Variants in AXDND1 observed in about 807,000 individuals in gnomAD.
AXDND1 encodes the protein axonemal dynein light chain domain-containing protein 1.
Under a neutral mutation model 137.5 loss-of-function variants are expected in AXDND1, and 110 were observed. The observed-to-expected ratio is 0.80, with a 90% CI of 0.69 to 0.94. AXDND1 has a LOEUF of 0.94. Ranked by LOEUF, AXDND1 falls within the 40% of genes least tolerant of loss-of-function variation. The probability of loss-of-function intolerance (pLI) is 0.00; values close to 1 mark genes in which losing one functional copy is unlikely to be tolerated. For synonymous variants in AXDND1, 414 were observed against 399.7 expected (o/e 1.04, Z -0.43); for missense variants, 1,191 against 1,169.8 (o/e 1.02, Z -0.26).
chr1:179,478,569 T>C (rs1467409872), intron 17 of AXDND1, among the ~76,000 whole-genome samples: 1 of 152,192 alleles, frequency 6.6e-6, no homozygotes, highest in Non-Finnish European at 1.5e-5. Flanking sequence ...GCCTGGCCCA[T>C]GAAGCCATTT....
At chr1:179,386,302 C>A (rs1431451977) in intron 9 of AXDND1, among the ~76,000 whole-genome samples, 2 of 151,998 alleles carry the variant, frequency 1.3e-5, no homozygotes, top group Admixed American at 6.6e-5. Flanking sequence ...CCTGCCTTGG[C>A]CTTCCAAAGT....
rs920793564 is a variant in AXDND1 at position 179,507,085 on chromosome 1, C to A, written c.2389-2211C>A. Among the ~76,000 whole-genome samples, 4 of 152,162 alleles carry A rather than the reference C, an allele frequency of 2.6e-5. No homozygotes were observed. In the South Asian group the frequency reaches 8.3e-4, roughly 32 times the overall value. ...GCTACAATAGGCTTAACATTTAGGA[C>A]TATCACTTGCTTCTTAAATACTCCT... is the stretch of plus-strand genomic sequence containing the variant. On this transcript the variant is annotated intron_variant, in intron 20 of 25. Coordinates refer to ENST00000367618, the MANE Select transcript of AXDND1 (RefSeq NM_144696.6).
chr1:179,449,086 G>T (rs575105893), intron 16 of AXDND1: 89 of 447,050 alleles, frequency 2.0e-4, no homozygotes, highest in African/African-American at 1.7e-3. Context: ...GGATCTCACC[G>T]TGTTGCACAG....
intron 11 of AXDND1, among the ~76,000 whole-genome samples, chr1:179,402,992 C>T (rs1652338320): frequency 6.6e-6 from 1 of 152,168 alleles, no homozygotes; most frequent in African/African-American, 2.4e-5. Flanking sequence ...ATACAGTCGA[C>T]TGTTGAACAA....
rs535603892 is a variant in AXDND1, at chr1:179,413,658, G to A, written c.1230+2392G>A. ...CCAATTAATCATTGATGGACACTTCGGTTGATTCCATGACTTTGCTATTGT... is the reference window on the plus strand; with the variant it reads ...CCAATTAATCATTGATGGACACTTCAGTTGATTCCATGACTTTGCTATTGT... On this transcript the variant is annotated intron_variant, in intron 12 of 25. Coordinates refer to ENST00000367618, the MANE Select transcript of AXDND1 (RefSeq NM_144696.6). Among the ~76,000 whole-genome samples the A allele has an allele frequency of 2.3e-3, 354 of 152,174 alleles. 1 individual carries two copies. The highest frequency in any genetic ancestry group is 6.8e-3 in the Middle Eastern group (2 of 294).
chr1:179,428,958 C>T (rs1656980042), intron 12 of AXDND1, among the ~76,000 whole-genome samples: 1 of 151,206 alleles, frequency 6.6e-6, no homozygotes, highest in Non-Finnish European at 1.5e-5. Context: ...GCAGGCAGAT[C>T]ACGAGGTCAG....
chr1:179,481,099 T>C (rs4652397), intron 17 of AXDND1, among the ~76,000 whole-genome samples: 132,856 of 151,738 alleles, frequency 0.88, 58,270 homozygotes, highest in East Asian at 0.9. Flanking sequence ...TCATCATTTA[T>C]ATTAGGTATA....
chr1:179,484,507 C>G (rs887591419), intron 18 of AXDND1, among the ~76,000 whole-genome samples: 2 of 152,124 alleles, frequency 1.3e-5, no homozygotes, highest in African/African-American at 4.8e-5. Context: ...GCCTTGGATG[C>G]CCAGCTGAGG....
At chr1:179,516,963 A>G (rs1409879512) in intron 21 of AXDND1, among the ~76,000 whole-genome samples, 1 of 152,198 alleles carries the variant, frequency 6.6e-6, no homozygotes, top group East Asian at 1.9e-4. Flanking sequence ...TCCAAAGAGC[A>G]TCAGCTGTGA....
In AXDND1 at chr1:179,430,487, A is replaced by G; in HGVS notation, c.1368A>G (p.Thr456=). ...TEDLALLQKL[T]QKWRNLVNKL... The stretch of plus-strand genomic sequence containing the variant: ...ACCTTGCACTGTTGCAGAAGTTGAC[A>G]CAAAAATGGAGAAACTTAGTGAATA... Residue 456 remains threonine, a synonymous_variant, in exon 14 of 26, where the codon ACA becomes ACG. Coordinates refer to ENST00000367618, the MANE Select transcript of AXDND1 (RefSeq NM_144696.6). 1 of 1,613,920 alleles carries G rather than the reference A, an allele frequency of 6.2e-7. No individual in the cohort carries two copies. Among genetic ancestry groups the G allele is most frequent in the Non-Finnish European group, 8.5e-7 (1 of 1,179,898 alleles).
At chr1:179,484,745 A>G (rs1171183431) in intron 18 of AXDND1, among the ~76,000 whole-genome samples, 1 of 152,248 alleles carries the variant, frequency 6.6e-6, no homozygotes, top group East Asian at 1.9e-4. Flanking sequence ...CTTCCCCACC[A>G]GTGCACATGT....
chr1:179,465,572 G>T (rs1263211159), intron 16 of AXDND1, among the ~76,000 whole-genome samples: 1 of 152,182 alleles, frequency 6.6e-6, no homozygotes, highest in Non-Finnish European at 1.5e-5. Flanking sequence ...GGGGGTCATG[G>T]ACCCACTTGA....
At chr1:179,368,445 A>G (rs893740844) in intron 2 of AXDND1, among the ~76,000 whole-genome samples, 4 of 152,190 alleles carry the variant, frequency 2.6e-5, no homozygotes, top group Non-Finnish European at 4.4e-5. Context: ...TGTGATTTTC[A>G]TATGAAAGGG....
chr1:179,462,148 T>G (rs1213137469), intron 16 of AXDND1, among the ~76,000 whole-genome samples: 2 of 152,190 alleles, frequency 1.3e-5, no homozygotes, highest in East Asian at 1.9e-4. Context: ...ATGCTTCCTG[T>G]TTTTGCCCAT....
At chr1:179,457,421 G>T (rs910510028) in intron 16 of AXDND1, 3 of 330,404 alleles carry the variant, frequency 9.1e-6, no homozygotes, top group Admixed American at 3.5e-5. Flanking sequence ...TTCCATTGTG[G>T]TTTGTCTTTT....
chr1:179,419,349 T>C (rs891257387), intron 12 of AXDND1, among the ~76,000 whole-genome samples: 34 of 152,006 alleles, frequency 2.2e-4, no homozygotes, highest in East Asian at 9.7e-4. Context: ...AACGAGACTC[T>C]GTCTGCAATC....
chr1:179,508,285 A>G (rs1225802803), intron 20 of AXDND1, among the ~76,000 whole-genome samples: 1 of 151,512 alleles, frequency 6.6e-6, no homozygotes, highest in African/African-American at 2.4e-5. Flanking sequence ...GCAGTGAGCT[A>G]TGATGATGCC....
chr1:179,418,707 G>T (rs1655123443), intron 12 of AXDND1, among the ~76,000 whole-genome samples: 1 of 150,464 alleles, frequency 6.6e-6, no homozygotes, highest in South Asian at 2.1e-4. Context: ...GCGGCTGGCC[G>T]GGCGGGGGGC....
chr1:179,514,674 C>T (rs985923414), intron 21 of AXDND1, among the ~76,000 whole-genome samples: 16 of 152,124 alleles, frequency 1.1e-4, no homozygotes, highest in East Asian at 1.9e-4. Flanking sequence ...ATTGAAGTCC[C>T]CCACTGTTAT....
Sources: allele counts gnomAD v4.1 joint callset (sites outside exome capture counted in the v4.1 genomes callset), GRCh38; gene constraint gnomAD v4.1.1; transcripts MANE v1.5; gene names NCBI Gene and HGNC (gene_info 2026-07-23, HGNC 2026-07-21).